WDR49: variants seen among roughly 807,000 people sequenced by gnomAD.
The protein encoded by WDR49 is cilia- and flagella-associated protein 337.
WDR49 carries 107 observed loss-of-function variants against 119.5 expected under a neutral mutation model. The observed-to-expected ratio is 0.90, with a 90% CI of 0.77 to 1.05. The LOEUF is 1.05. WDR49 is among the 50% of genes least tolerant of loss of function. The pLI is 0.00. For synonymous variants in WDR49, 425 were observed against 418.8 expected, an observed-to-expected ratio of 1.01 and a Z score of -0.18; for missense variants, 1,240 against 1,220.5, an observed-to-expected ratio of 1.02 and a Z score of -0.24.
intron 9 of WDR49, among the ~76,000 whole-genome samples, chr3:167,557,061 G>C (rs557479467): frequency 8.3e-4 from 127 of 152,146 alleles, no homozygotes; most frequent in African/African-American, 3.0e-3. Context: ...GCCGAGCATG[G>C]TGGTGCACAC....
At chr3:167,505,906 A>G (rs1177281024) in intron 16 of WDR49, among the ~76,000 whole-genome samples, 1 of 152,176 alleles carries the variant, frequency 6.6e-6, no homozygotes, top group Non-Finnish European at 1.5e-5. Flanking sequence ...GCGTAACTTG[A>G]ATTCACAGAA....
chr3:167,656,277 A>G (rs190580133), upstream of WDR49, among the ~76,000 whole-genome samples: 425 of 152,356 alleles, frequency 2.8e-3, no homozygotes, highest in African/African-American at 9.7e-3. Context: ...GTTATCTTAC[A>G]TGGGAACACG....
chr3:167,532,660 A>G (rs1752891418), intron 12 of WDR49, among the ~76,000 whole-genome samples: 1 of 152,198 alleles, frequency 6.6e-6, no homozygotes, highest in East Asian at 1.9e-4. Context: ...CCAATGTAGC[A>G]TAAAGAGAAG....
At chr3:167,606,195 T>C (rs904731284) in intron 5 of WDR49, among the ~76,000 whole-genome samples, 3 of 152,158 alleles carry the variant, frequency 2.0e-5, no homozygotes, top group Non-Finnish European at 2.9e-5. Flanking sequence ...TGTTAATCCA[T>C]AGTTCTTAAA....
chr3:167,532,174 G>A (rs949600011), intron 12 of WDR49, among the ~76,000 whole-genome samples: 1 of 152,098 alleles, frequency 6.6e-6, no homozygotes, highest in Non-Finnish European at 1.5e-5. Flanking sequence ...TGCATCTGAT[G>A]ATCAGTCCAT....
chr3:167,485,057 G>C (rs1450620295), intron 18 of WDR49, among the ~76,000 whole-genome samples: 1 of 152,110 alleles, frequency 6.6e-6, no homozygotes, highest in Non-Finnish European at 1.5e-5. Flanking sequence ...CATGGATGAA[G>C]CTGGAGGCCA....
At chr3:167,501,370 A>C (rs933067989) in intron 17 of WDR49, among the ~76,000 whole-genome samples, 8 of 152,162 alleles carry the variant, frequency 5.3e-5, no homozygotes, top group Non-Finnish European at 1.2e-4. Context: ...TTTAATCCCA[A>C]AGGTTATGCT....
intron 6 of WDR49, 64 bp downstream of exon 6, chr3:167,604,237 A>G: frequency 1.3e-6 from 2 of 1,568,970 alleles, no homozygotes; most frequent in African/African-American, 1.4e-5. Flanking sequence ...GGCTCCATGC[A>G]TACAAATATA....
At chr3:167,506,461 A>G (rs922423472) in intron 16 of WDR49, among the ~76,000 whole-genome samples, 1 of 152,230 alleles carries the variant, frequency 6.6e-6, no homozygotes, top group African/African-American at 2.4e-5. Flanking sequence ...ATTTTAAAAT[A>G]TCAATACAAG....
chr3:167,606,998 G>T (rs1377745823), intron 5 of WDR49, among the ~76,000 whole-genome samples: 1 of 152,108 alleles, frequency 6.6e-6, no homozygotes, highest in Non-Finnish European at 1.5e-5. Flanking sequence ...GTAAAAATAT[G>T]ATTGGAAAAA....
chr3:167,623,349 T>C (rs1716959400), intron 3 of WDR49, among the ~76,000 whole-genome samples: 1 of 152,026 alleles, frequency 6.6e-6, no homozygotes, highest in African/African-American at 2.4e-5. Context: ...CATAGCAAAG[T>C]AATATTTATC....
intron 7 of WDR49, among the ~76,000 whole-genome samples, chr3:167,579,467 T>C (rs1447211669): frequency 6.6e-6 from 1 of 152,150 alleles, no homozygotes; most frequent in African/African-American, 2.4e-5. Context: ...ATTATGCTTC[T>C]AGCATAGGGT....
At chr3:167,594,214 T>A (rs1715291514) in intron 7 of WDR49, among the ~76,000 whole-genome samples, 1 of 152,158 alleles carries the variant, frequency 6.6e-6, no homozygotes, top group Non-Finnish European at 1.5e-5. Context: ...TTTGAAGGGC[T>A]CATAAGAAGA....
intron 15 of WDR49, among the ~76,000 whole-genome samples, chr3:167,526,852 G>C (rs942386524): frequency 6.6e-6 from 1 of 152,082 alleles, no homozygotes. Context: ...CCTGGCATAA[G>C]ATTGGCACCT....
Position 167,534,142 on chromosome 3 carries a change from C to A in WDR49, c.1955-1165G>T, listed in dbSNP as rs1358566468. Among the ~76,000 whole-genome samples the A allele has an allele frequency of 2.6e-5, 4 of 151,970 alleles. No individual in the cohort carries two copies. The East Asian group carries it at 7.7e-4, about 29-fold the overall frequency. ...CCCTGGAGGCAGAGGTTGCAGTGAG[C>A]CGAGATTACACCATTGCACTCCAGC... On this transcript the variant is annotated intron_variant, in intron 11 of 18. Coordinates refer to ENST00000682715, the MANE Select transcript of WDR49 (RefSeq NM_001366157.1).
chr3:167,556,066 A>G (rs1022135249), intron 9 of WDR49, among the ~76,000 whole-genome samples: 2 of 152,196 alleles, frequency 1.3e-5, no homozygotes, highest in Non-Finnish European at 2.9e-5. Flanking sequence ...AGGGACCACC[A>G]TCGTATATGC....
chr3:167,550,780 A>T (rs200872173), intron 10 of WDR49, among the ~76,000 whole-genome samples: 32,370 of 134,722 alleles, frequency 0.24, 3,843 homozygotes, highest in Non-Finnish European at 0.29. Flanking sequence ...TTTTTTTTTG[A>T]GAGAGAGAGA....
intron 5 of WDR49, among the ~76,000 whole-genome samples, chr3:167,610,386 T>C (rs1023833275): frequency 6.6e-6 from 1 of 152,134 alleles, no homozygotes; most frequent in Non-Finnish European, 1.5e-5. Context: ...TTAGGGAACA[T>C]CAACAGTAGT....
At chr3:167,575,813 C>T in intron 8 of WDR49, 105 bp downstream of exon 8, 1 of 1,116,106 alleles carries the variant, frequency 9.0e-7, no homozygotes, top group Non-Finnish European at 1.3e-6. Context: ...CCCATATTTG[C>T]CTTTACTATA....
Sources: allele counts gnomAD v4.1 joint callset (sites outside exome capture counted in the v4.1 genomes callset), GRCh38; gene constraint gnomAD v4.1.1; transcripts MANE v1.5; gene names NCBI Gene and HGNC (gene_info 2026-07-23, HGNC 2026-07-21).